Variants in DDAH1 observed in about 807,000 individuals in gnomAD.
DDAH1 encodes N(G),N(G)-dimethylarginine dimethylaminohydrolase 1.
A neutral mutation model predicts 28.8 loss-of-function variants in DDAH1; 19 were observed. That is an observed-to-expected ratio of 0.66 (90% CI 0.46 to 0.97). The LOEUF (loss-of-function observed/expected upper bound fraction) is 0.97. Ranked by LOEUF, DDAH1 falls within the 50% of genes least tolerant of loss-of-function variation. DDAH1 has a pLI of 0.00. For synonymous variants in DDAH1, 153 were observed against 154.4 expected (o/e 0.99, Z 0.07); for missense variants, 326 against 375.9 (o/e 0.87, Z 1.10).
intron 1 of DDAH1, among the ~76,000 whole-genome samples, chr1:85,395,605 G>A (rs1463678210): frequency 6.6e-6 from 1 of 151,600 alleles, no homozygotes; most frequent in Non-Finnish European, 1.5e-5. Flanking sequence ...CTGGGAGGCA[G>A]AGATTGCGGT....
intron 1 of DDAH1, among the ~76,000 whole-genome samples, chr1:85,553,029 G>A (rs762801004): frequency 1.9e-4 from 29 of 152,234 alleles, no homozygotes; most frequent in Admixed American, 1.0e-3. Context: ...TCTGAGGGGA[G>A]GCAGCTGCCA....
At chr1:85,321,632 A>G in intron 5 of DDAH1, 64 bp from the exon 6 acceptor site, 1 of 1,265,488 alleles carries the variant, frequency 7.9e-7, no homozygotes, top group Middle Eastern at 1.8e-4. Flanking sequence ...TCAGAAGTGG[A>G]GAATCAATTT....
intron 1 of DDAH1, among the ~76,000 whole-genome samples, chr1:85,520,934 G>T (rs1197048575): frequency 6.6e-6 from 1 of 152,244 alleles, no homozygotes; most frequent in African/African-American, 2.4e-5. Flanking sequence ...AAAGCATAAA[G>T]AAGGTATTTA....
intron 1 of DDAH1, among the ~76,000 whole-genome samples, chr1:85,362,250 T>C (rs945389074): frequency 3.9e-5 from 6 of 152,220 alleles, no homozygotes; most frequent in Non-Finnish European, 5.9e-5. Flanking sequence ...GGCAAATTTC[T>C]TGTGTAACCT....
intron 1 of DDAH1, among the ~76,000 whole-genome samples, chr1:85,521,174 T>C (rs1282984773): frequency 6.6e-6 from 1 of 152,070 alleles, no homozygotes; most frequent in African/African-American, 2.4e-5. Context: ...TGCCTTCAAG[T>C]TAGTTTGAGT....
At chr1:85,511,597 C>A (rs1456798481) in intron 1 of DDAH1, among the ~76,000 whole-genome samples, 2 of 151,970 alleles carry the variant, frequency 1.3e-5, no homozygotes, top group African/African-American at 2.4e-5. Context: ...ATTGATAGAC[C>A]ACTAGCAAGA....
intron 1 of DDAH1, among the ~76,000 whole-genome samples, chr1:85,398,115 C>T (rs1007799632): frequency 1.3e-5 from 2 of 152,046 alleles, no homozygotes; most frequent in East Asian, 3.9e-4. Context: ...GCCTAGGAAC[C>T]TCAAGACACT....
At position 85,484,305 on chromosome 1, in the gene DDAH1, T is replaced by G. The variant is rs115638295; in HGVS notation, c.-7+11861A>C. Among the ~76,000 whole-genome samples, 1,378 of 151,650 alleles carry G rather than the reference T, an allele frequency of 9.1e-3. 20 individuals are homozygous for G. Among genetic ancestry groups the G allele is most frequent in the African/African-American group, 0.032 (1,315 of 41,450 alleles). On this transcript the variant is annotated intron_variant, in intron 2 of 6. Coordinates refer to the DDAH1 transcript ENST00000426972. ...TAATATATTTATATGTATTATATAT[T>G]TTTTCAACTTTGTGGTATAATGAAT...
rs191179516 is a variant in DDAH1, at chr1:85,549,942, C to A, written c.-123+28042G>T. Among the ~76,000 whole-genome samples the A allele has an allele frequency of 7.5e-4, 114 of 151,754 alleles. No homozygotes were observed. In the East Asian group the frequency reaches 0.021, roughly 29 times the overall value. Reference sequence around the variant, plus strand: ...CACTGGAACCCAGAGCTCTTCCAGACCTTTAATTTCTATAATAGAATATTC... The same window carrying A: ...CACTGGAACCCAGAGCTCTTCCAGAACTTTAATTTCTATAATAGAATATTC... On this transcript the variant is annotated intron_variant, in intron 1 of 6. Coordinates refer to the DDAH1 transcript ENST00000426972.
At chr1:85,333,560 CAGAT>C (rs1647909788) in intron 4 of DDAH1, among the ~76,000 whole-genome samples, 1 of 151,220 alleles carries the variant, frequency 6.6e-6, no homozygotes, top group Non-Finnish European at 1.5e-5. Flanking sequence ...GAAGAGAACA[CAGAT>C]AAACAATAAA....
At chr1:85,559,887 G>A (rs1294705556) in intron 1 of DDAH1, among the ~76,000 whole-genome samples, 4 of 151,910 alleles carry the variant, frequency 2.6e-5, no homozygotes, top group Non-Finnish European at 5.9e-5. Flanking sequence ...TCCACATGGA[G>A]AGAAGTAGGA....
intron 1 of DDAH1, among the ~76,000 whole-genome samples, chr1:85,390,099 A>G (rs962461404): frequency 6.6e-6 from 1 of 152,238 alleles, no homozygotes; most frequent in African/African-American, 2.4e-5. Flanking sequence ...TGTTAAGTCA[A>G]GCCCAGTCCT....
chr1:85,498,658 C>G (rs1557694470), intron 1 of DDAH1, among the ~76,000 whole-genome samples: 1 of 152,132 alleles, frequency 6.6e-6, no homozygotes, highest in Non-Finnish European at 1.5e-5. Flanking sequence ...GTGGCTCATG[C>G]CTATAATCCC....
chr1:85,502,221 C>A (rs917426735), intron 1 of DDAH1, among the ~76,000 whole-genome samples: 2 of 152,202 alleles, frequency 1.3e-5, no homozygotes, highest in African/African-American at 4.8e-5. Flanking sequence ...ATTGTTTCTT[C>A]CTCAGAGCTT....
intron 1 of DDAH1, among the ~76,000 whole-genome samples, chr1:85,387,087 T>C (rs891434512): frequency 5.9e-5 from 9 of 152,204 alleles, no homozygotes; most frequent in African/African-American, 2.2e-4. Context: ...AAAGGTGGTC[T>C]TGAAGGTTTC....
At chr1:85,429,177 C>G (rs1653552519) in intron 1 of DDAH1, among the ~76,000 whole-genome samples, 1 of 151,902 alleles carries the variant, frequency 6.6e-6, no homozygotes, top group South Asian at 2.1e-4. Flanking sequence ...CCTCCCACCC[C>G]CCAGCAGGCC....
chr1:85,391,292 G>A (rs1230624184), intron 1 of DDAH1, among the ~76,000 whole-genome samples: 2 of 152,150 alleles, frequency 1.3e-5, no homozygotes, highest in Non-Finnish European at 1.5e-5. Flanking sequence ...TAAACCTACA[G>A]AAGACCTCCA....
chr1:85,452,959 A>G (rs1219997021), intron 1 of DDAH1, among the ~76,000 whole-genome samples: 1 of 152,218 alleles, frequency 6.6e-6, no homozygotes, highest in Non-Finnish European at 1.5e-5. Flanking sequence ...GAGCACTGTT[A>G]GAAAACTGAT....
At chr1:85,401,052 A>C (rs948453707) in intron 1 of DDAH1, among the ~76,000 whole-genome samples, 24 of 152,326 alleles carry the variant, frequency 1.6e-4, no homozygotes, top group Admixed American at 1.2e-3. Flanking sequence ...AGGGTTTCTA[A>C]AGCTTTATAT....
Sources: gnomAD v4.1 joint callset for allele counts (sites outside exome capture counted in the v4.1 genomes callset) on GRCh38, gnomAD v4.1.1 for gene constraint, MANE v1.5 for transcripts, NCBI Gene and HGNC (gene_info 2026-07-23, HGNC 2026-07-21) for gene names.